The following JPT2 variants were observed in gnomAD, a reference collection of about 807,000 sequenced individuals.
The protein encoded by JPT2 is Jupiter microtubule associated homolog 2.
Under a neutral mutation model 15.9 loss-of-function variants are expected in JPT2, and 9 were observed. That is an observed-to-expected ratio of 0.57 (90% CI 0.34 to 0.99). The LOEUF (loss-of-function observed/expected upper bound fraction) is 0.99. JPT2 is among the 50% of genes least tolerant of loss of function. The pLI, the probability that JPT2 is intolerant of heterozygous loss-of-function variation, is 0.02. For missense variants in JPT2, 267 were observed against 252.1 expected, an observed-to-expected ratio of 1.06 and a Z score of -0.40; for synonymous variants, 95 against 91.7, an observed-to-expected ratio of 1.04 and a Z score of -0.21.
intron 1 of JPT2, 40 bp downstream of exon 1, chr16:1,678,396 A>G: frequency 1.8e-6 from 2 of 1,126,592 alleles, no homozygotes; most frequent in Admixed American, 5.0e-5. Context: ...GGATAGCGCG[A>G]CCACGTGGCG....
chr16:1,685,620 C>CGACCACCGAGAT, intron 2 of JPT2, 33 bp downstream of exon 2: 1 of 1,589,458 alleles, frequency 6.3e-7, no homozygotes, highest in Non-Finnish European at 8.5e-7. Context: ...AATCCTTTGG[C>CGACCACCGAGAT]CTCCACGATT....
intron 1 of JPT2, among the ~76,000 whole-genome samples, chr16:1,680,959 A>C (rs2037017980): frequency 6.6e-6 from 1 of 152,094 alleles, no homozygotes; most frequent in Non-Finnish European, 1.5e-5. Context: ...AGTCCACTCC[A>C]GCTGTGTGAG....
intron 1 of JPT2, among the ~76,000 whole-genome samples, chr16:1,684,752 C>A (rs572483315): frequency 2.5e-3 from 371 of 151,002 alleles, no homozygotes; most frequent in African/African-American, 8.6e-3. Flanking sequence ...TCAAAAAAAA[C>A]AAACAAAAGT....
At chr16:1,690,606 AAGG>A (rs2037097919) in intron 2 of JPT2, 1 of 152,248 alleles carries the variant, frequency 6.6e-6, no homozygotes, top group South Asian at 2.1e-4. Context: ...TAAACAAAAA[AAGG>A]AGACCATGTT....
Position 1,678,299 on chromosome 16 carries a change from TG to T in JPT2, c.-12del. 8.1e-7 allele frequency: 1 copy of T among 1,236,574 alleles called. No homozygotes were observed. 76.6% of individuals were successfully genotyped at this position (1,236,574 alleles called of 1,614,324 possible). On this transcript the variant is annotated 5_prime_UTR_variant, in exon 1 of 5. Coordinates refer to ENST00000248098, the MANE Select transcript of JPT2 (RefSeq NM_144570.3). ...GGAACGGCGCGCGGCGAGCTGAGGG[TG>T]GCGGCGGTCGACATGTTCCAGGTCC...
At position 1,698,840 on chromosome 16, in the gene JPT2, C is replaced by G; in HGVS notation, c.415C>G (p.Pro139Ala). ...AAGGAGCATCCCGGCTGGAGCAGAG[C>G]CAGGTGAGAAAGGCAGCGCCAGAAA... Reference protein sequence around the residue: ...AARSIPAGAEPGEKGSARKAG... With the variant: ...AARSIPAGAEAGEKGSARKAG... The change falls in exon 5 of 5, where the codon CCA becomes GCA. Residue 139 changes from proline to alanine, a missense_variant. Coordinates refer to ENST00000248098, the MANE Select transcript of JPT2 (RefSeq NM_144570.3). This position sits in a 1 kb window ranked among gnomAD's most constrained non-coding sequence, Gnocchi z 4.9. 1.2e-6 allele frequency: 2 copies of G among 1,613,822 alleles called. No individual in the cohort carries two copies. The highest frequency in any genetic ancestry group is 2.2e-5 in the East Asian group (1 of 44,880).
chr16:1,680,560 C>T (rs748900418), intron 1 of JPT2: 68 of 1,117,120 alleles, frequency 6.1e-5, no homozygotes, highest in Non-Finnish European at 7.2e-5. Flanking sequence ...CTCATCTGAA[C>T]GGGGTCGAGT....
chr16:1,702,322 GT>G (rs1478080819), downstream of JPT2: 2 of 305,168 alleles, frequency 6.6e-6, no homozygotes, highest in Non-Finnish European at 1.4e-5. Context: ...TATAGAGCGA[GT>G]TCCAAGAACC....
intron 1 of JPT2, among the ~76,000 whole-genome samples, chr16:1,678,780 C>T (rs1481006578): frequency 1.3e-5 from 2 of 151,070 alleles, no homozygotes; most frequent in African/African-American, 4.9e-5. Context: ...GGGGGGTGTC[C>T]CTAAGGGGTG....
rs1458261521 is a variant in JPT2 at position 1,700,838 on chromosome 16, G to C, written c.*1840G>C. On this transcript the variant is annotated 3_prime_UTR_variant, in exon 5 of 5. Coordinates refer to ENST00000248098, the MANE Select transcript of JPT2 (RefSeq NM_144570.3). Reference sequence around the variant, plus strand: ...ATAGGACGTGACGGTACTGGGCCCTGTGATTCTCCCAGCCCTTGCAGTCCG... The same window carrying C: ...ATAGGACGTGACGGTACTGGGCCCTCTGATTCTCCCAGCCCTTGCAGTCCG... 1 of 152,278 alleles carries C rather than the reference G, an allele frequency of 6.6e-6. No individual in the cohort carries two copies. Among genetic ancestry groups the C allele is most frequent in the Non-Finnish European group, 1.5e-5 (1 of 68,088 alleles). 9.4% of individuals were successfully genotyped at this position (152,278 alleles called of 1,614,324 possible).
chr16:1,684,281 T>A (rs2037047113), intron 1 of JPT2, among the ~76,000 whole-genome samples: 1 of 152,230 alleles, frequency 6.6e-6, no homozygotes, highest in African/African-American at 2.4e-5. Context: ...TGCCACTCAC[T>A]GGTTTAAATC....
At chr16:1,691,661 G>A (rs919219546) in intron 2 of JPT2, among the ~76,000 whole-genome samples, 182 bp from the exon 3 acceptor site, 1 of 151,806 alleles carries the variant, frequency 6.6e-6, no homozygotes, top group Admixed American at 6.6e-5. Context: ...TCCAGCCATG[G>A]TTTTCAGGGG....
rs1162504215 is a variant in JPT2, at chr16:1,699,470, TC to T, written c.*476del. 10 of 349,770 alleles carry T rather than the reference TC, an allele frequency of 2.9e-5. No individual in the cohort carries two copies. Among genetic ancestry groups the T allele is most frequent in the Non-Finnish European group, 4.6e-5 (8 of 175,370 alleles). The allele number at this position is 349,770 out of a possible 1,614,324, so 21.7% of individuals were successfully genotyped here. The stretch of plus-strand genomic sequence containing the variant: ...GAGATCACGGCTGCTAAATCCAGCA[TC>T]CCCACTTCATTTTACCCCCAGCATA... On this transcript the variant is annotated 3_prime_UTR_variant, in exon 5 of 5. Coordinates refer to ENST00000248098, the MANE Select transcript of JPT2 (RefSeq NM_144570.3).
intron 1 of JPT2, chr16:1,680,517 G>GC (rs2142218433): frequency 8.1e-7 from 1 of 1,235,004 alleles, no homozygotes; most frequent in African/African-American, 1.6e-5. Context: ...GGAAGCTTCT[G>GC]CTTGGGGTCC....
chr16:1,683,331 G>A (rs752330456), intron 1 of JPT2, among the ~76,000 whole-genome samples: 10 of 151,558 alleles, frequency 6.6e-5, no homozygotes, highest in South Asian at 2.1e-4. Context: ...GGCGTGTCTC[G>A]AACTCCTGGG....
chr16:1,693,008 C>T (rs1263692137), intron 3 of JPT2, among the ~76,000 whole-genome samples: 2 of 152,228 alleles, frequency 1.3e-5, no homozygotes, highest in Non-Finnish European at 2.9e-5. Context: ...CTCTCTTGTG[C>T]TGGCATCTCT....
rs1596508658 is a variant in JPT2, at chr16:1,692,815, A to AATTT, written c.336+831_336+832insTTTA. ...TTAAAAGATATGGTCTGGTTCCTTAAAGTGGAAAATTCTTAACCATTTCTG... is the reference window on the plus strand; with the variant it reads ...TTAAAAGATATGGTCTGGTTCCTTAAATTTAGTGGAAAATTCTTAACCATTTCTG... On this transcript the variant is annotated intron_variant, in intron 3 of 4. Coordinates refer to ENST00000248098, the MANE Select transcript of JPT2 (RefSeq NM_144570.3). 3.3e-5 allele frequency among the ~76,000 whole-genome samples: 5 copies of AATTT among 152,324 alleles called. No individual in the cohort carries two copies. In the East Asian group the frequency reaches 9.6e-4, roughly 29 times the overall value.
rs181309647 is a variant in JPT2, at chr16:1,683,745, C to A, written c.45-1694C>A. The A allele has an allele frequency of 1.1e-3, 659 of 597,332 alleles. 7 individuals are homozygous for A. The highest frequency in any genetic ancestry group is 1.1e-3 in the East Asian group (37 of 33,974). The allele number at this position is 597,332 out of a possible 1,614,324, so 37.0% of individuals were successfully genotyped here. On this transcript the variant is annotated intron_variant, in intron 1 of 4. Coordinates refer to ENST00000248098, the MANE Select transcript of JPT2 (RefSeq NM_144570.3). ...TCACAAGGAGCCCTCAGCGCTCTTT[C>A]TAGATCTTTTGAGGAGAAACTGTTA... is the stretch of plus-strand genomic sequence containing the variant.
Position 1,692,000 on chromosome 16 carries a change from C to T in JPT2, c.336+15C>T. On this transcript the variant is annotated intron_variant, in intron 3 of 4. Transcript: ENST00000248098. ...ACAAACCCAAGGTATGGACTGCATT[C>T]AGACGTGACAGCGCAGCAGCGGGTA... The T allele has an allele frequency of 6.2e-7, 1 of 1,613,760 alleles. No homozygotes were observed. The highest frequency in any genetic ancestry group is 8.5e-7 in the Non-Finnish European group (1 of 1,179,764).
Sources: gnomAD v4.1 joint callset for allele counts (sites outside exome capture counted in the v4.1 genomes callset) on GRCh38, gnomAD v4.1.1 for gene constraint, Gnocchi (gnomAD v3.1) non-coding constraint, MANE v1.5 for transcripts, NCBI Gene and HGNC (gene_info 2026-07-23, HGNC 2026-07-21) for gene names.